The following SYCP2 variants were observed in gnomAD, a reference collection of about 807,000 sequenced individuals.
The protein encoded by SYCP2 is synaptonemal complex protein 2, also known as synaptonemal complex lateral element protein.
In SYCP2, 55 loss-of-function variants were observed where a neutral mutation model predicts 211.3. The ratio of observed to expected loss-of-function variants is 0.26; its 90% confidence interval spans 0.21 to 0.33. The LOEUF is 0.33. SYCP2 is among the 10% of genes least tolerant of loss of function. SYCP2 has a pLI of 1.00. For missense variants in SYCP2, 1,731 were observed against 1,752.0 expected (o/e 0.99, Z 0.21); for synonymous variants, 570 against 555.2 (o/e 1.03, Z -0.37).
rs145598354 is a variant in SYCP2 at position 59,892,863 on chromosome 20, C to A, written c.1794-162G>T. Among the ~76,000 whole-genome samples the A allele has an allele frequency of 1.1e-3, 161 of 151,984 alleles. 1 individual carries two copies. Among genetic ancestry groups the A allele is most frequent in the African/African-American group, 3.8e-3 (156 of 41,526 alleles). ...GTTCTACTGTATATTTATATTTCTACACATTAATTAATTTCTACATATTGT... is the reference window on the plus strand; with the variant it reads ...GTTCTACTGTATATTTATATTTCTAAACATTAATTAATTTCTACATATTGT... On this transcript the variant is annotated intron_variant, in intron 22 of 44. Coordinates refer to ENST00000357552, the MANE Select transcript of SYCP2 (RefSeq NM_014258.4).
intron 18 of SYCP2, among the ~76,000 whole-genome samples, chr20:59,897,865 C>T (rs1240818280): frequency 6.6e-6 from 1 of 152,058 alleles, no homozygotes; most frequent in Non-Finnish European, 1.5e-5. Context: ...GGGCAGATCA[C>T]CTGAGGTCAG....
chr20:59,886,600 GAA>G (rs1331370955), intron 25 of SYCP2, 105 bp downstream of exon 25: 2 of 789,494 alleles, frequency 2.5e-6, no homozygotes, highest in East Asian at 3.1e-5. Flanking sequence ...GTTTTCTACT[GAA>G]AAGTTACATT....
chr20:59,889,119 G>C (rs904287565), intron 24 of SYCP2, among the ~76,000 whole-genome samples: 1 of 151,996 alleles, frequency 6.6e-6, no homozygotes, highest in African/African-American at 2.4e-5. Context: ...GAATGGTATG[G>C]CACTGAAGCT....
At chr20:59,926,966 G>C (rs1309434947) in intron 2 of SYCP2, among the ~76,000 whole-genome samples, 1 of 152,230 alleles carries the variant, frequency 6.6e-6, no homozygotes, top group Non-Finnish European at 1.5e-5. Flanking sequence ...CTGGATAACT[G>C]ACAGAGACTG....
intron 37 of SYCP2, 127 bp from the exon 38 acceptor site, chr20:59,868,695 G>A: frequency 1.6e-6 from 2 of 1,251,498 alleles, no homozygotes; most frequent in Non-Finnish European, 1.1e-6. Flanking sequence ...AGGTAATTAT[G>A]CATTCAATTC....
intron 11 of SYCP2, 25 bp from the exon 12 acceptor site, chr20:59,914,052 A>T: frequency 8.2e-6 from 13 of 1,577,224 alleles, no homozygotes; most frequent in Non-Finnish European, 1.1e-5. Context: ...AAATACTTTT[A>T]AAAATCATAA....
At chr20:59,908,088 T>G (rs2060245020) in intron 14 of SYCP2, among the ~76,000 whole-genome samples, 1 of 151,560 alleles carries the variant, frequency 6.6e-6, no homozygotes. Flanking sequence ...CTACTAAAAA[T>G]ACAAAAAAAA....
intron 18 of SYCP2, among the ~76,000 whole-genome samples, chr20:59,898,734 A>C (rs1296102712): frequency 6.6e-6 from 1 of 151,504 alleles, no homozygotes; most frequent in Admixed American, 6.6e-5. Context: ...AAAGATATGT[A>C]AAATGTTTTA....
chr20:59,891,934 G>T, intron 24 of SYCP2, 56 bp downstream of exon 24: 1 of 1,407,002 alleles, frequency 7.1e-7, no homozygotes, highest in Non-Finnish European at 9.6e-7. Flanking sequence ...TCTTTCTTAT[G>T]TTATCAAGTA....
At chr20:59,885,312 G>A (rs1000331630) in intron 26 of SYCP2, among the ~76,000 whole-genome samples, 6 of 152,098 alleles carry the variant, frequency 3.9e-5, no homozygotes, top group Non-Finnish European at 5.9e-5. Context: ...TGAATGTGAT[G>A]TAAGGATTGC....
intron 29 of SYCP2, 89 bp downstream of exon 29, chr20:59,881,343 ACTCTT>A: frequency 1.4e-6 from 1 of 690,336 alleles, no homozygotes; most frequent in Non-Finnish European, 2.4e-6. Flanking sequence ...ATTTTTATTC[ACTCTT>A]CTCATTTGTT....
rs780264248 is a variant in SYCP2, at chr20:59,893,539, G to C, written c.1720C>G (p.Pro574Ala). ...ENTENKNVEF[P>A]NQNFSELQDV... ...AGGTACTTACTAAAATTTTGGTTTG[G>C]GAATTCAACATTCTTATTTTCTGTG... Residue 574 changes from proline to alanine, a missense_variant, in exon 21 of 45, where the codon CCA becomes GCA. By Grantham distance (27) the Pro-to-Ala change is conservative (BLOSUM62 -1). Around this residue, in one of 3 missense-constraint regions of SYCP2, gnomAD observed 1,387 missense variants for 1,351.3 expected, o/e 1.03. Transcript: ENST00000357552. 5.0e-6 allele frequency: 8 copies of C among 1,606,970 alleles called. No homozygotes were observed. The South Asian group carries it at 8.9e-5, about 18-fold the overall frequency.
intron 38 of SYCP2, 122 bp downstream of exon 38, chr20:59,868,291 T>C (rs1293373525): frequency 3.2e-6 from 3 of 945,062 alleles, no homozygotes; most frequent in African/African-American, 3.3e-5. Context: ...CAATAAAGCA[T>C]CATCCATCTT....
intron 2 of SYCP2, among the ~76,000 whole-genome samples, chr20:59,930,881 A>G (rs1322416202): frequency 1.3e-5 from 2 of 152,202 alleles, no homozygotes; most frequent in Non-Finnish European, 2.9e-5. Context: ...CCCAAATTTG[A>G]TACATTTTGA....
intron 7 of SYCP2, among the ~76,000 whole-genome samples, chr20:59,917,848 C>T (rs2060471698): frequency 1.3e-5 from 2 of 152,140 alleles, no homozygotes; most frequent in South Asian, 4.1e-4. Context: ...AAATTTGTTC[C>T]ATTAGATCAA....
At chr20:59,890,215 G>C (rs1353438577) in intron 24 of SYCP2, among the ~76,000 whole-genome samples, 1 of 152,162 alleles carries the variant, frequency 6.6e-6, no homozygotes, top group Admixed American at 6.5e-5. Context: ...ATACTATGCA[G>C]CCATAAAAAA....
intron 24 of SYCP2, 99 bp from the exon 25 acceptor site, chr20:59,886,933 A>C: frequency 2.3e-6 from 2 of 876,480 alleles, no homozygotes; most frequent in Non-Finnish European, 3.4e-6. Context: ...GGTTCTATTT[A>C]TACCTGCGGA....
At chr20:59,914,903 A>ATTAAGCTATTAAT (rs970399345) in intron 10 of SYCP2, among the ~76,000 whole-genome samples, 1 of 151,990 alleles carries the variant, frequency 6.6e-6, no homozygotes, top group African/African-American at 2.4e-5. Flanking sequence ...AAGCTATTAA[A>ATTAAGCTATTAAT]TTAAGCTATT....
intron 18 of SYCP2, among the ~76,000 whole-genome samples, chr20:59,899,480 C>G (rs2145772671): frequency 6.6e-6 from 1 of 152,250 alleles, no homozygotes; most frequent in Admixed American, 6.5e-5. Flanking sequence ...GAAGGAAGCT[C>G]TCTAAGAAAG....
Sources: gnomAD v4.1 joint callset for allele counts (sites outside exome capture counted in the v4.1 genomes callset) on GRCh38, gnomAD v4.1.1 for gene constraint, gnomAD v4.1.1 regional missense constraint, MANE v1.5 for transcripts, NCBI Gene and HGNC (gene_info 2026-07-23, HGNC 2026-07-21) for gene names.